COL23A1: variants seen among roughly 807,000 people sequenced by gnomAD.
The protein encoded by COL23A1 is collagen alpha-1(XXIII) chain.
COL23A1 carries 97 observed loss-of-function variants against 99.3 expected under a neutral mutation model. That is an observed-to-expected ratio of 0.98 (90% confidence interval 0.83 to 1.16). The LOEUF (loss-of-function observed/expected upper bound fraction) is 1.16, where lower values mean the gene tolerates loss of function less well. Ranked by LOEUF, COL23A1 falls within the 50% of genes most tolerant of loss-of-function variation. The pLI, the probability that COL23A1 is intolerant of heterozygous loss-of-function variation, is 0.00. For missense variants in COL23A1, 762 were observed against 757.4 expected (o/e 1.01, Z -0.07); for synonymous variants, 320 against 308.2 (o/e 1.04, Z -0.40).
rs1360545138 is a variant in COL23A1 at position 178,358,187 on chromosome 5, GTA to G, written c.362-51270_362-51269del. ...GTCTAATGTGTATGTGTATGTATGTGTATGTGTGTGCATGTGTACGTGTGTAT... is the reference window on the plus strand; with the variant it reads ...GTCTAATGTGTATGTGTATGTATGTGTGTGTGTGCATGTGTACGTGTGTAT... On this transcript the variant is annotated intron_variant, in intron 2 of 28. Transcript: ENST00000390654. Among the ~76,000 whole-genome samples, 56 of 147,390 alleles carry G rather than the reference GTA, an allele frequency of 3.8e-4. 1 individual carries two copies. Among genetic ancestry groups the G allele is most frequent in the African/African-American group, 7.7e-4 (31 of 40,022 alleles).
chr5:178,415,588 A>G lies in COL23A1; in HGVS notation c.362-108669T>C, dbSNP rs560641081. On this transcript the variant is annotated intron_variant, in intron 2 of 28. Transcript: ENST00000390654. This position sits in a 1 kb window ranked among gnomAD's most constrained non-coding sequence, Gnocchi z 4.6. ...CCTTGCAGATACTTCCAATGTGCTGACTGCTGGCACCAGAGGACAGTGCTG... is the reference window on the plus strand; with the variant it reads ...CCTTGCAGATACTTCCAATGTGCTGGCTGCTGGCACCAGAGGACAGTGCTG... Among the ~76,000 whole-genome samples the G allele has an allele frequency of 8.9e-4, 136 of 152,282 alleles. No homozygotes were observed. The highest frequency in any genetic ancestry group is 3.1e-3 in the African/African-American group (128 of 41,574).
At chr5:178,368,337 G>A (rs1305040495) in intron 2 of COL23A1, among the ~76,000 whole-genome samples, 2 of 152,152 alleles carry the variant, frequency 1.3e-5, no homozygotes. Context: ...AGTGGAAAGT[G>A]CAGAGAGTTC....
intron 1 of COL23A1, among the ~76,000 whole-genome samples, chr5:178,582,193 C>T (rs538031585): frequency 1.2e-4 from 14 of 113,722 alleles, no homozygotes; most frequent in South Asian, 1.1e-3. Context: ...GGAGACAGGA[C>T]GAGACTCTAT....
chr5:178,455,880 G>A (rs59676911), intron 2 of COL23A1, among the ~76,000 whole-genome samples: 2,560 of 152,282 alleles, frequency 0.017, 77 homozygotes, highest in African/African-American at 0.057. Flanking sequence ...CCACCGAGAT[G>A]GTTTAACTTA....
At chr5:178,478,007 TC>T (rs34615858) in intron 2 of COL23A1, among the ~76,000 whole-genome samples, 1 of 151,572 alleles carries the variant, frequency 6.6e-6, no homozygotes, top group Non-Finnish European at 1.5e-5. Flanking sequence ...CTGAGGGAGG[TC>T]CCAGGGTGTG....
At chr5:178,503,605 C>G (rs1758698002) in intron 2 of COL23A1, among the ~76,000 whole-genome samples, 1 of 151,944 alleles carries the variant, frequency 6.6e-6, no homozygotes, top group Admixed American at 6.5e-5. Flanking sequence ...GGTTCTGATA[C>G]AATTATGTGC....
chr5:178,247,528 TG>T lies in COL23A1; in HGVS notation c.1293del (p.Lys432ArgfsTer48). The part of the protein sequence containing the change: ...GPMGLQGIQG[P>X]KGLDGAKGEK... ...TAGAGGGGTCTGTGCCCACTCACCT[TG>T]GGACCCTGGATTCCCTGGAGGCCCT... On this transcript the variant is annotated frameshift_variant, in exon 22 of 29. Coordinates refer to ENST00000390654, the MANE Select transcript of COL23A1 (RefSeq NM_173465.4). LOFTEE classifies it high-confidence loss of function. 3.1e-6 allele frequency: 5 copies of T among 1,614,088 alleles called. No individual in the cohort carries two copies. Among genetic ancestry groups the T allele is most frequent in the Non-Finnish European group, 3.4e-6 (4 of 1,179,978 alleles).
At chr5:178,449,779 C>G (rs909513291) in intron 2 of COL23A1, among the ~76,000 whole-genome samples, 1 of 151,972 alleles carries the variant, frequency 6.6e-6, no homozygotes, top group Non-Finnish European at 1.5e-5. Context: ...ACACAAAGCA[C>G]CCTTTTGCAG....
chr5:178,526,290 G>C (rs1343283675), intron 2 of COL23A1, among the ~76,000 whole-genome samples: 1 of 152,202 alleles, frequency 6.6e-6, no homozygotes, highest in African/African-American at 2.4e-5. Flanking sequence ...GCAGGGAGCT[G>C]ACTCTATCCC....
intron 2 of COL23A1, among the ~76,000 whole-genome samples, chr5:178,372,239 C>T (rs1762837949): frequency 6.6e-6 from 1 of 152,204 alleles, no homozygotes; most frequent in African/African-American, 2.4e-5. Flanking sequence ...GAGAGTGTTG[C>T]CCAGGAGAGT....
chr5:178,270,770 G>A (rs577407893), intron 5 of COL23A1, among the ~76,000 whole-genome samples: 1 of 152,296 alleles, frequency 6.6e-6, no homozygotes, highest in East Asian at 1.9e-4. Flanking sequence ...GCTAAGCCTG[G>A]AGCTCCCAGG....
chr5:178,241,643 C>G lies in COL23A1; in HGVS notation c.1581+399G>C, dbSNP rs537235505. On this transcript the variant is annotated intron_variant, in intron 27 of 28. Coordinates refer to ENST00000390654, the MANE Select transcript of COL23A1 (RefSeq NM_173465.4). ...TTTGGTTCCCTCCGCAGGGCCCAGC[C>G]CCCTCCCAGGGCACCGCTGATGGTG... Among the ~76,000 whole-genome samples, 140 of 152,330 alleles carry G rather than the reference C, an allele frequency of 9.2e-4. 1 individual carries two copies. Among genetic ancestry groups the G allele is most frequent in the Non-Finnish European group, 1.5e-3 (105 of 68,026 alleles).
chr5:178,487,527 AATGG>A (rs1239310413), intron 2 of COL23A1, among the ~76,000 whole-genome samples: 12 of 152,142 alleles, frequency 7.9e-5, no homozygotes, highest in African/African-American at 2.9e-4. Context: ...AGGAACTTAA[AATGG>A]TTAAACTTTA....
chr5:178,246,472 A>C lies in COL23A1; in HGVS notation c.1297-19T>G. 1 of 1,557,110 alleles carries C rather than the reference A, an allele frequency of 6.4e-7. No individual in the cohort carries two copies. The highest frequency in any genetic ancestry group is 8.7e-7 in the Non-Finnish European group (1 of 1,149,730). On this transcript the variant is annotated intron_variant, in intron 22 of 28. Transcript: ENST00000390654. ...CCAAGCCCTGGAGGCAAAGGAGGGA[A>C]ATCAGTCAAGGGGAAGGGGTTAGAC...
chr5:178,266,045 T>A (rs572726036), intron 8 of COL23A1, among the ~76,000 whole-genome samples: 5 of 152,234 alleles, frequency 3.3e-5, no homozygotes, highest in East Asian at 3.9e-4. Context: ...CACTACTTTT[T>A]AAATTTTTTT....
At chr5:178,304,496 C>CAA (rs1758243027) in intron 3 of COL23A1, among the ~76,000 whole-genome samples, 1 of 114,706 alleles carries the variant, frequency 8.7e-6, no homozygotes, top group African/African-American at 3.6e-5. Context: ...AGTGACAGAG[C>CAA]GACTGTCTCA....
chr5:178,437,202 A>ATTT (rs1398551910), intron 2 of COL23A1, among the ~76,000 whole-genome samples: 2 of 152,174 alleles, frequency 1.3e-5, no homozygotes, highest in Non-Finnish European at 2.9e-5. Context: ...TCATCTGGTG[A>ATTT]TTAAAAGAGA....
At chr5:178,547,136 C>T (rs1356876945) in intron 2 of COL23A1, among the ~76,000 whole-genome samples, 1 of 152,108 alleles carries the variant, frequency 6.6e-6, no homozygotes, top group South Asian at 2.1e-4. Flanking sequence ...GAAGGTATTT[C>T]CAAACTATTT....
chr5:178,358,316 A>G (rs767657391), intron 2 of COL23A1, among the ~76,000 whole-genome samples: 13,949 of 131,434 alleles, frequency 0.11, 865 homozygotes, highest in Middle Eastern at 0.3. Flanking sequence ...ATGTGTGTGT[A>G]TGTGTATGTG....
Sources: gnomAD v4.1 joint callset for allele counts (sites outside exome capture counted in the v4.1 genomes callset) on GRCh38, gnomAD v4.1.1 for gene constraint, Gnocchi (gnomAD v3.1) non-coding constraint, MANE v1.5 for transcripts, NCBI Gene and HGNC (gene_info 2026-07-23, HGNC 2026-07-21) for gene names.